PNLIPRP3: variants seen among roughly 807,000 people sequenced by gnomAD.
PNLIPRP3 encodes pancreatic lipase related protein 3.
PNLIPRP3 carries 58 observed loss-of-function variants against 52.8 expected under a neutral mutation model. The observed-to-expected ratio is 1.10, with a 90% CI of 0.89 to 1.37. PNLIPRP3 has a LOEUF of 1.37. PNLIPRP3 is among the 40% of genes most tolerant of loss of function. The pLI is 0.00. For synonymous variants in PNLIPRP3, 192 were observed against 185.0 expected, an observed-to-expected ratio of 1.04 and a Z score of -0.31; for missense variants, 593 against 561.6, an observed-to-expected ratio of 1.06 and a Z score of -0.57.
At chr10:116,438,127 G>A (rs1845804467) in intron 2 of PNLIPRP3, among the ~76,000 whole-genome samples, 1 of 152,168 alleles carries the variant, frequency 6.6e-6, no homozygotes, top group African/African-American at 2.4e-5. Flanking sequence ...CTGGATAGGT[G>A]GGGCTTGAGC....
intron 2 of PNLIPRP3, chr10:116,439,768 T>A (rs1438882066): frequency 3.6e-5 from 28 of 771,118 alleles, no homozygotes; most frequent in Non-Finnish European, 6.8e-5. Context: ...CGGTGGCCTT[T>A]TAGGGGCATT....
At position 116,460,950 on chromosome 10, in the gene PNLIPRP3, G is replaced by T; in HGVS notation, c.566-16G>T. ...GTGCACTTCCATAGAACATGTCTTG[G>T]TTGTGCTTTCTCTAGGGTTGGACCC... On this transcript the variant is annotated splice_polypyrimidine_tract_variant and intron_variant, in intron 5 of 11. Coordinates refer to ENST00000369230, the MANE Select transcript of PNLIPRP3 (RefSeq NM_001011709.3). 1 of 1,610,730 alleles carries T rather than the reference G, an allele frequency of 6.2e-7. No individual in the cohort carries two copies. The highest frequency in any genetic ancestry group is 1.1e-5 in the South Asian group (1 of 90,848).
chr10:116,448,030 GAAA>G (rs1845979324), intron 4 of PNLIPRP3, among the ~76,000 whole-genome samples: 1 of 4,824 alleles, frequency 2.1e-4, no homozygotes. Flanking sequence ...AGGAAGGAAA[GAAA>G]GAAAGAAAGA....
chr10:116,476,673 G>T lies in PNLIPRP3; in HGVS notation c.1194G>T (p.Met398Ile). 1.9e-6 allele frequency: 3 copies of T among 1,582,806 alleles called. No individual in the cohort carries two copies. The South Asian group carries it at 3.5e-5, about 19-fold the overall frequency. Residue 398 changes from methionine (M) to isoleucine (I), a missense_variant, in exon 11 of 12, where the codon ATG becomes ATT. Transcript: ENST00000369230. ...AIVSGKLEPG[M>I]TYTKLIDADV... ...ACAGTGGAAAACTTGAGCCAGGCATGACTTACACAAAATTAATCGATGCAG... is the reference window on the plus strand; with the variant it reads ...ACAGTGGAAAACTTGAGCCAGGCATTACTTACACAAAATTAATCGATGCAG...
chr10:116,454,141 C>T (rs551126953), intron 4 of PNLIPRP3, among the ~76,000 whole-genome samples: 15 of 152,020 alleles, frequency 9.9e-5, no homozygotes, highest in South Asian at 4.2e-4. Flanking sequence ...AGATTTGAGA[C>T]GGAGTTTCGC....
At chr10:116,466,667 G>A (rs910943927) in intron 8 of PNLIPRP3, among the ~76,000 whole-genome samples, 1 of 152,184 alleles carries the variant, frequency 6.6e-6, no homozygotes, top group Non-Finnish European at 1.5e-5. Context: ...AGATCAATAT[G>A]TGACAAACTA....
At chr10:116,457,491 A>G (rs1846133109) in intron 5 of PNLIPRP3, among the ~76,000 whole-genome samples, 1 of 152,176 alleles carries the variant, frequency 6.6e-6, no homozygotes, top group South Asian at 2.1e-4. Flanking sequence ...TGTTGATATA[A>G]CAGGCTTATT....
chr10:116,433,114 CAAAAAAAAAAA>C (rs71010080), intron 1 of PNLIPRP3, among the ~76,000 whole-genome samples: 12 of 8,500 alleles, frequency 1.4e-3, no homozygotes, highest in Admixed American at 6.5e-3. Context: ...AACTCCATCT[CAAAAAAAAAAA>C]AAAAAAAAAA....
chr10:116,458,987 G>A (rs1846153398), intron 5 of PNLIPRP3, among the ~76,000 whole-genome samples: 1 of 152,072 alleles, frequency 6.6e-6, no homozygotes, highest in Non-Finnish European at 1.5e-5. Context: ...GTGGCTTTTT[G>A]TGGAACTCTA....
intron 3 of PNLIPRP3, among the ~76,000 whole-genome samples, chr10:116,444,035 A>G (rs558102135): frequency 2.0e-5 from 3 of 151,970 alleles, no homozygotes; most frequent in South Asian, 2.1e-4. Context: ...GAAACTTACA[A>G]TCACGGCGGA....
chr10:116,438,124 G>C (rs1252949203), intron 2 of PNLIPRP3, among the ~76,000 whole-genome samples: 2 of 152,186 alleles, frequency 1.3e-5, no homozygotes, highest in Non-Finnish European at 2.9e-5. Flanking sequence ...ATTCTGGATA[G>C]GTGGGGCTTG....
chr10:116,476,631 G>A lies in PNLIPRP3; in HGVS notation c.1173-21G>A, dbSNP rs141697443. 2.1e-4 allele frequency: 319 copies of A among 1,539,920 alleles called. 1 individual carries two copies. In the African/African-American group the frequency reaches 3.5e-3, roughly 17 times the overall value. The stretch of plus-strand genomic sequence containing the variant: ...CTGTGAATACCCAGTGCAAACTTAC[G>A]AGTCTTATTTTTGTTTACAGTGGAA... On this transcript the variant is annotated intron_variant, in intron 10 of 11. Coordinates refer to ENST00000369230, the MANE Select transcript of PNLIPRP3 (RefSeq NM_001011709.3).
chr10:116,439,147 T>C (rs1845821810), intron 2 of PNLIPRP3, among the ~76,000 whole-genome samples: 1 of 152,160 alleles, frequency 6.6e-6, no homozygotes, highest in Admixed American at 6.5e-5. Context: ...GCCACTGAGT[T>C]TGCACTTTAA....
intron 10 of PNLIPRP3, among the ~76,000 whole-genome samples, chr10:116,475,685 A>T (rs1031702474): frequency 6.6e-6 from 1 of 152,212 alleles, no homozygotes; most frequent in Non-Finnish European, 1.5e-5. Context: ...TGTACCAGGA[A>T]CTGTTCTAAT....
chr10:116,465,533 TA>T (rs1371254946), intron 7 of PNLIPRP3, among the ~76,000 whole-genome samples: 5 of 145,462 alleles, frequency 3.4e-5, no homozygotes, highest in African/African-American at 7.6e-5. Context: ...AGACTCCATC[TA>T]AAAAAAAAAC....
intron 4 of PNLIPRP3, among the ~76,000 whole-genome samples, chr10:116,454,028 T>A (rs1441070590): frequency 6.6e-6 from 1 of 152,010 alleles, no homozygotes; most frequent in Non-Finnish European, 1.5e-5. Flanking sequence ...AGTGAGAACA[T>A]TCAGTGTTTG....
chr10:116,447,842 C>T (rs1203815267), intron 4 of PNLIPRP3, among the ~76,000 whole-genome samples: 2 of 151,690 alleles, frequency 1.3e-5, no homozygotes, highest in Admixed American at 6.6e-5. Flanking sequence ...GAGGCTAAGG[C>T]ATAAGAATCA....
In PNLIPRP3 at chr10:116,466,401, T is replaced by C. The variant is rs1480678716; in HGVS notation, c.927+233T>C. On this transcript the variant is annotated intron_variant, in intron 8 of 11. Transcript: ENST00000369230. Reference sequence around the variant, plus strand: ...TGTTTCAGCTCCTTTGAAAATTATATACAATTTTGCTTTTTTGGCCATTTG... The same window carrying C: ...TGTTTCAGCTCCTTTGAAAATTATACACAATTTTGCTTTTTTGGCCATTTG... 2.0e-5 allele frequency among the ~76,000 whole-genome samples: 3 copies of C among 152,192 alleles called. No homozygotes were observed. The East Asian group carries it at 5.8e-4, about 29-fold the overall frequency.
chr10:116,440,478 A>G (rs996561158), intron 2 of PNLIPRP3, among the ~76,000 whole-genome samples: 2 of 152,216 alleles, frequency 1.3e-5, no homozygotes, highest in East Asian at 3.8e-4. Flanking sequence ...GTTTGCTGTT[A>G]AAGTGTTTTT....
Sources: gnomAD v4.1 joint callset for allele counts (sites outside exome capture counted in the v4.1 genomes callset) on GRCh38, gnomAD v4.1.1 for gene constraint, MANE v1.5 for transcripts, NCBI Gene and HGNC (gene_info 2026-07-23, HGNC 2026-07-21) for gene names.